POLA1: variants seen among roughly 807,000 people sequenced by gnomAD.
POLA1 encodes DNA polymerase alpha catalytic subunit.
Under a neutral mutation model 124.0 loss-of-function variants are expected in POLA1, and 15 were observed. That is an observed-to-expected ratio of 0.12 (90% CI 0.08 to 0.19). The LOEUF is 0.19. Among genes scored for constraint, POLA1 ranks in the 10% least tolerant of loss-of-function variants. The probability of loss-of-function intolerance (pLI) is 1.00; values close to 1 mark genes in which losing one functional copy is unlikely to be tolerated. For synonymous variants in POLA1, 408 were observed against 389.4 expected, an observed-to-expected ratio of 1.05 and a Z score of -0.56; for missense variants, 886 against 1,103.4, an observed-to-expected ratio of 0.80 and a Z score of 2.79.
At chrX:24,802,337 G>A (rs182306615) in intron 26 of POLA1, among the ~76,000 whole-genome samples, 130 of 111,431 alleles carry the variant, frequency 1.2e-3, no homozygotes, top group Non-Finnish European at 1.6e-3. Flanking sequence ...TTAACCACTT[G>A]GGGAAAGAGC....
intron 1 of POLA1, among the ~76,000 whole-genome samples, chrX:24,697,409 T>C (rs1362844378): frequency 3.6e-5 from 4 of 112,116 alleles, no homozygotes; most frequent in African/African-American, 1.3e-4. Context: ...TTCACGATTT[T>C]TGAAATCATT....
chrX:24,759,905 A>C (rs1420056964), intron 26 of POLA1, among the ~76,000 whole-genome samples: 1 of 112,349 alleles, frequency 8.9e-6, no homozygotes, highest in African/African-American at 3.2e-5. Flanking sequence ...ATATGTGAAA[A>C]TTTTAAATAA....
intron 26 of POLA1, among the ~76,000 whole-genome samples, chrX:24,801,920 G>GTGTGTGTGTGTGTGTGT (rs1569317038): frequency 1.9e-4 from 9 of 47,520 alleles, no homozygotes; most frequent in African/African-American, 9.7e-4. Flanking sequence ...AGGAGAGGTG[G>GTGTGTGTGTGTGTGTGT]GTGGGTGTGT....
intron 26 of POLA1, among the ~76,000 whole-genome samples, chrX:24,778,026 A>G (rs1238900467): frequency 1.8e-5 from 2 of 112,336 alleles, no homozygotes; most frequent in Admixed American, 1.9e-4. Context: ...GAAAAGCATT[A>G]TTTTAATATT....
chrX:24,755,495 C>T (rs1363513591), intron 26 of POLA1, among the ~76,000 whole-genome samples: 2 of 110,926 alleles, frequency 1.8e-5, no homozygotes, highest in African/African-American at 6.6e-5. Flanking sequence ...TTAACTCTTC[C>T]ATTTTCTTGT....
At position 24,810,760 on chromosome X, in the gene POLA1, A is replaced by G. The variant is rs2045884809; in HGVS notation, c.3050A>G (p.Asn1017Ser). The G allele has an allele frequency of 1.8e-6, 2 of 1,113,785 alleles. No homozygotes were observed. Among genetic ancestry groups the G allele is most frequent in the South Asian group, 3.8e-5 (2 of 52,102 alleles). The allele number at this position is 1,113,785 out of a possible 1,213,427, so 91.8% of individuals were successfully genotyped here. A position where few individuals can be genotyped will look rare whatever the true frequency, so the allele number is the denominator to read the frequency against. Residue 1017 changes from asparagine to serine, a missense_variant, in exon 28 of 37, where the codon AAT becomes AGT. Coordinates refer to ENST00000379068, the MANE Select transcript of POLA1 (RefSeq NM_001330360.2). ...ACAGATTCAATTATGATAAACACCA[A>G]TAGCACCAATCTGGAAGAAGTATTT... ...GDTDSIMINTNSTNLEEVFKL... is the reference protein window; with the variant it reads ...GDTDSIMINTSSTNLEEVFKL...
rs751163790 is a variant in POLA1, at chrX:24,716,876, G to A, written c.619-8G>A. On this transcript the variant is annotated splice_region_variant and splice_polypyrimidine_tract_variant and intron_variant, in intron 7 of 36. Transcript: ENST00000379068. ...TCTAACTGACTAAATATTTAAAAAC[G>A]TTTACAGGCAGTTCCTTCAGGAAAA... The A allele has an allele frequency of 3.5e-6, 4 of 1,148,685 alleles. No individual in the cohort carries two copies. The highest frequency in any genetic ancestry group is 1.8e-5 in the African/African-American group (1 of 55,944). 94.7% of individuals were successfully genotyped at this position (1,148,685 alleles called of 1,213,427 possible). A position where few individuals can be genotyped will look rare whatever the true frequency, so the allele number is the denominator to read the frequency against.
At chrX:24,916,367 C>T (rs372730078) in intron 35 of POLA1, among the ~76,000 whole-genome samples, 74 of 107,555 alleles carry the variant, frequency 6.9e-4, no homozygotes, top group East Asian at 4.9e-3. Flanking sequence ...CTGCAACCTC[C>T]GTCTCCAGGT....
intron 25 of POLA1, among the ~76,000 whole-genome samples, 181 bp from the exon 26 acceptor site, chrX:24,748,689 T>G (rs1469298974): frequency 8.9e-6 from 1 of 112,459 alleles, no homozygotes; most frequent in Non-Finnish European, 1.9e-5. Flanking sequence ...CTGTGTTTAC[T>G]TGCTGCTTCT....
intron 35 of POLA1, among the ~76,000 whole-genome samples, chrX:24,924,850 A>G (rs2047667893): frequency 9.0e-6 from 1 of 111,312 alleles, no homozygotes; most frequent in Non-Finnish European, 1.9e-5. Context: ...GGATGGTGAT[A>G]AGGGTGGCGT....
chrX:24,853,587 A>G (rs1336503555), intron 34 of POLA1, among the ~76,000 whole-genome samples: 1 of 112,219 alleles, frequency 8.9e-6, no homozygotes, highest in Non-Finnish European at 1.9e-5. Flanking sequence ...AAGTCTAAAT[A>G]TTGGGAAGCT....
chrX:24,910,034 G>C (rs1166462313), intron 35 of POLA1, among the ~76,000 whole-genome samples: 1 of 110,129 alleles, frequency 9.1e-6, no homozygotes, highest in Non-Finnish European at 1.9e-5. Context: ...TTGGCTCTCT[G>C]TTTGTCTGTT....
intron 35 of POLA1, among the ~76,000 whole-genome samples, chrX:24,908,788 T>C (rs1000845740): frequency 1.8e-5 from 2 of 111,689 alleles, no homozygotes; most frequent in Non-Finnish European, 3.8e-5. Context: ...TTTCTAGTTC[T>C]AGATCCCTGA....
intron 34 of POLA1, among the ~76,000 whole-genome samples, chrX:24,862,157 A>C (rs1349347460): frequency 8.9e-6 from 1 of 112,301 alleles, no homozygotes; most frequent in East Asian, 2.8e-4. Context: ...AAAGCAAAAT[A>C]AATACCATAG....
At chrX:24,758,944 C>T in intron 26 of POLA1, among the ~76,000 whole-genome samples, 1 of 111,744 alleles carries the variant, frequency 8.9e-6, no homozygotes, top group East Asian at 2.8e-4. Flanking sequence ...CAGGCATGAG[C>T]CACTGTGCCT....
intron 36 of POLA1, among the ~76,000 whole-genome samples, chrX:24,946,968 A>C (rs1243714836): frequency 9.0e-6 from 1 of 111,532 alleles, no homozygotes; most frequent in Non-Finnish European, 1.9e-5. Context: ...ACATGGACTT[A>C]ATTTCCCACC....
chrX:24,783,418 T>G (rs1237711683), intron 26 of POLA1, among the ~76,000 whole-genome samples: 1 of 112,020 alleles, frequency 8.9e-6, no homozygotes, highest in Non-Finnish European at 1.9e-5. Flanking sequence ...AAGTGCAATA[T>G]ATAATGTGTA....
intron 4 of POLA1, among the ~76,000 whole-genome samples, chrX:24,706,470 G>A (rs1928813909): frequency 1.8e-5 from 2 of 111,836 alleles, no homozygotes; most frequent in South Asian, 7.4e-4. Flanking sequence ...GGGGTGTAAC[G>A]GCTTCTAGGC....
At chrX:24,791,449 C>T (rs755167091) in intron 26 of POLA1, among the ~76,000 whole-genome samples, 6 of 112,753 alleles carry the variant, frequency 5.3e-5, no homozygotes, top group East Asian at 2.8e-4. Flanking sequence ...TGCAATGGCA[C>T]GATCTTGGCT....
Sources: gnomAD v4.1 joint callset for allele counts (sites outside exome capture counted in the v4.1 genomes callset) on GRCh38, gnomAD v4.1.1 for gene constraint, MANE v1.5 for transcripts, NCBI Gene and HGNC (gene_info 2026-07-23, HGNC 2026-07-21) for gene names.